OSBPL8: variants seen among roughly 807,000 people sequenced by gnomAD.
OSBPL8 encodes the protein oxysterol-binding protein-related protein 8.
In OSBPL8, 59 loss-of-function variants were observed where a neutral mutation model predicts 125.5. That is an observed-to-expected ratio of 0.47 (90% CI 0.38 to 0.58). OSBPL8 has a LOEUF of 0.58. Ranked by LOEUF, OSBPL8 falls within the 20% of genes least tolerant of loss-of-function variation. The probability of loss-of-function intolerance (pLI) is 0.00; values close to 1 mark genes in which losing one functional copy is unlikely to be tolerated. For missense variants in OSBPL8, 758 were observed against 1,047.8 expected, an observed-to-expected ratio of 0.72 and a Z score of 3.82; for synonymous variants, 330 against 338.9, an observed-to-expected ratio of 0.97 and a Z score of 0.29.
At chr12:76,493,539 AATAT>A (rs1878958393) in intron 1 of OSBPL8, among the ~76,000 whole-genome samples, 1 of 152,140 alleles carries the variant, frequency 6.6e-6, no homozygotes, top group South Asian at 2.1e-4. Context: ...ACTTTAAATA[AATAT>A]ATTATTCTAT....
At chr12:76,473,526 G>A (rs528849497) in intron 2 of OSBPL8, among the ~76,000 whole-genome samples, 2 of 152,152 alleles carry the variant, frequency 1.3e-5, no homozygotes, top group African/African-American at 2.4e-5. Flanking sequence ...ACTAATATAC[G>A]CAACTCACCC....
Position 76,358,816 on chromosome 12 carries a change from A to G in OSBPL8, c.2329-5T>C, listed in dbSNP as rs962344985. ...TTTCATTTTGGGGACGCTAACCTAA[A>G]GAAAAAAATAACTATTTTGTGAATT... On this transcript the variant is annotated splice_region_variant and splice_polypyrimidine_tract_variant and intron_variant, in intron 21 of 23. Coordinates refer to ENST00000261183, the MANE Select transcript of OSBPL8 (RefSeq NM_020841.5). 42 of 1,609,576 alleles carry G rather than the reference A, an allele frequency of 2.6e-5. No homozygotes were observed. Among genetic ancestry groups the G allele is most frequent in the Non-Finnish European group, 3.4e-5 (40 of 1,176,036 alleles).
intron 12 of OSBPL8, among the ~76,000 whole-genome samples, chr12:76,388,544 G>A (rs927500739): frequency 6.6e-6 from 1 of 152,308 alleles, no homozygotes; most frequent in East Asian, 1.9e-4. Context: ...AAGTGCAGAA[G>A]ATATTAGAAC....
At chr12:76,447,607 G>A (rs540602822) in intron 4 of OSBPL8, among the ~76,000 whole-genome samples, 41 of 151,918 alleles carry the variant, frequency 2.7e-4, no homozygotes, top group African/African-American at 9.4e-4. Flanking sequence ...GCAATGGCGC[G>A]ATCTCGGCTC....
chr12:76,398,008 A>C, intron 7 of OSBPL8, 111 bp from the exon 8 acceptor site: 1 of 867,626 alleles, frequency 1.2e-6, no homozygotes, highest in South Asian at 1.8e-5. Context: ...CGTACACTTT[A>C]AATATTTTAT....
At chr12:76,415,044 G>C (rs1868460889) in intron 4 of OSBPL8, among the ~76,000 whole-genome samples, 1 of 152,002 alleles carries the variant, frequency 6.6e-6, no homozygotes, top group Non-Finnish European at 1.5e-5. Flanking sequence ...TTACTGATTG[G>C]AAAAATTATA....
rs137912302 is a variant in OSBPL8, at chr12:76,528,557, C to T, written c.-68+30840G>A. Among the ~76,000 whole-genome samples, 492 of 152,148 alleles carry T rather than the reference C, an allele frequency of 3.2e-3. 6 individuals carry two copies. The highest frequency in any genetic ancestry group is 0.011 in the African/African-American group (448 of 41,500). On this transcript the variant is annotated intron_variant, in intron 1 of 23. Transcript: ENST00000261183. Reference sequence around the variant, plus strand: ...CAAATGCCTCTGCAATGAAGTTAGTCATCACCCAAAAAGCTTCAGAAATTA... The same window carrying T: ...CAAATGCCTCTGCAATGAAGTTAGTTATCACCCAAAAAGCTTCAGAAATTA...
At chr12:76,384,977 ATAAC>A (rs2136266083) in intron 14 of OSBPL8, among the ~76,000 whole-genome samples, 1 of 152,328 alleles carries the variant, frequency 6.6e-6, no homozygotes, top group African/African-American at 2.4e-5. Context: ...ACAGCAATGG[ATAAC>A]TAATACAGTG....
rs541739796 is a variant in OSBPL8 at position 76,450,767 on chromosome 12, T to C, written c.217+84A>G. On this transcript the variant is annotated intron_variant, in intron 4 of 23. Transcript: ENST00000261183. ...ATAGTTAAAAAGAAAAAAAATATGA[T>C]AGTCCCCAAATGTCATTCTCCCCTT... is the stretch of plus-strand genomic sequence containing the variant. The C allele has an allele frequency of 8.2e-6, 11 of 1,338,616 alleles. No homozygotes were observed. In the East Asian group the frequency reaches 2.6e-4, roughly 31 times the overall value. 82.9% of individuals were successfully genotyped at this position (1,338,616 alleles called of 1,614,324 possible).
intron 4 of OSBPL8, among the ~76,000 whole-genome samples, chr12:76,440,258 CAT>C (rs1369642020): frequency 6.6e-6 from 1 of 152,136 alleles, no homozygotes; most frequent in African/African-American, 2.4e-5. Flanking sequence ...GTAGGTACCT[CAT>C]GTGGATTCTC....
At chr12:76,519,309 C>G (rs915022829) in intron 1 of OSBPL8, among the ~76,000 whole-genome samples, 3 of 152,180 alleles carry the variant, frequency 2.0e-5, no homozygotes, top group African/African-American at 7.2e-5. Flanking sequence ...GTGACCTTTA[C>G]TCCAGTCCCC....
chr12:76,488,572 A>C (rs1378896565), intron 1 of OSBPL8, among the ~76,000 whole-genome samples: 1 of 152,186 alleles, frequency 6.6e-6, no homozygotes. Flanking sequence ...CTTTTCATTA[A>C]AGTATCTGTT....
chr12:76,531,593 A>G, intron 1 of OSBPL8, among the ~76,000 whole-genome samples: 1 of 152,198 alleles, frequency 6.6e-6, no homozygotes, highest in East Asian at 1.9e-4. Flanking sequence ...AACAGGAAAC[A>G]ATTGAAAGCC....
rs566953818 is a variant in OSBPL8 at position 76,447,754 on chromosome 12, C to T, written c.217+3097G>A. On this transcript the variant is annotated intron_variant, in intron 4 of 23. Transcript: ENST00000261183. ...TAGAGATGGGGTTTCACCATGTTGG[C>T]CAGGCTGGTCTCGAACTCCTGACCT... Among the ~76,000 whole-genome samples the T allele has an allele frequency of 2.0e-5, 3 of 152,260 alleles. No individual in the cohort carries two copies. In the South Asian group the frequency reaches 6.2e-4, roughly 32 times the overall value.
Position 76,392,495 on chromosome 12 carries a change from A to G in OSBPL8, c.929+86T>C, listed in dbSNP as rs960943243. ...ATATGCAAATTTCAGTCCTAGATAC[A>G]CTACTAAAATTCTAGGCCTGCCAAC... On this transcript the variant is annotated intron_variant, in intron 10 of 23. Coordinates refer to ENST00000261183, the MANE Select transcript of OSBPL8 (RefSeq NM_020841.5). The G allele has an allele frequency of 1.9e-5, 25 of 1,284,274 alleles. No homozygotes were observed. The African/African-American group carries it at 3.4e-4, about 17-fold the overall frequency. 79.6% of individuals were successfully genotyped at this position (1,284,274 alleles called of 1,614,324 possible).
chr12:76,357,066 T>C (rs772531793), intron 22 of OSBPL8, among the ~76,000 whole-genome samples: 1 of 152,216 alleles, frequency 6.6e-6, no homozygotes, highest in African/African-American at 2.4e-5. Flanking sequence ...TGAAGTCAGC[T>C]TCTTGAGCCC....
At chr12:76,430,704 C>A (rs1870713165) in intron 4 of OSBPL8, among the ~76,000 whole-genome samples, 2 of 152,078 alleles carry the variant, frequency 1.3e-5, no homozygotes, top group African/African-American at 4.8e-5. Context: ...CCTTGCAGGC[C>A]AGAAGACAGT....
chr12:76,484,767 TAACTC>T (rs1487503201), intron 2 of OSBPL8, among the ~76,000 whole-genome samples: 1 of 152,164 alleles, frequency 6.6e-6, no homozygotes, highest in African/African-American at 2.4e-5. Flanking sequence ...ATTTTATAGT[TAACTC>T]AAAAGTGGAC....
At chr12:76,449,198 A>G (rs920235793) in intron 4 of OSBPL8, among the ~76,000 whole-genome samples, 2 of 152,202 alleles carry the variant, frequency 1.3e-5, no homozygotes, top group African/African-American at 4.8e-5. Context: ...TAACCTAAGT[A>G]TACATTAACT....
Sources: gnomAD v4.1 joint callset for allele counts (sites outside exome capture counted in the v4.1 genomes callset) on GRCh38, gnomAD v4.1.1 for gene constraint, MANE v1.5 for transcripts, NCBI Gene and HGNC (gene_info 2026-07-23, HGNC 2026-07-21) for gene names.